Variants in WDFY3 observed in about 807,000 individuals in gnomAD.
WDFY3 encodes the protein WD repeat and FYVE domain-containing protein 3.
Under a neutral mutation model 409.6 loss-of-function variants are expected in WDFY3, and 66 were observed. The observed-to-expected ratio is 0.16, with a 90% CI of 0.13 to 0.20. The LOEUF (loss-of-function observed/expected upper bound fraction) is 0.20, where lower values mean the gene tolerates loss of function less well. Among genes scored for constraint, WDFY3 ranks in the 10% least tolerant of loss-of-function variants. The probability of loss-of-function intolerance (pLI) is 1.00; values close to 1 mark genes in which losing one functional copy is unlikely to be tolerated. For synonymous variants in WDFY3, 1,521 were observed against 1,537.1 expected (o/e 0.99, Z 0.25); for missense variants, 3,031 against 4,298.1 (o/e 0.71, Z 8.24).
At chr4:84,745,699 A>G (rs1739313450) in intron 36 of WDFY3, among the ~76,000 whole-genome samples, 1 of 152,176 alleles carries the variant, frequency 6.6e-6, no homozygotes. Flanking sequence ...CATTAAACTA[A>G]TTTGGGAAAA....
intron 13 of WDFY3, among the ~76,000 whole-genome samples, chr4:84,813,099 T>C (rs1051034027): frequency 6.6e-6 from 1 of 152,162 alleles, no homozygotes; most frequent in African/African-American, 2.4e-5. Context: ...AGTTCTGTGG[T>C]ATATGTCAGT....
chr4:84,697,335 T>A (rs962203566), intron 56 of WDFY3, among the ~76,000 whole-genome samples: 15 of 152,238 alleles, frequency 9.9e-5, no homozygotes, highest in Non-Finnish European at 1.2e-4. Context: ...AAAAGAGCTC[T>A]GTAGAACTGG....
chr4:84,691,760 G>T lies in WDFY3; in HGVS notation c.9075C>A (p.Ile3025=). Residue 3025 remains isoleucine, a synonymous_variant, in exon 60 of 68, where the codon ATC becomes ATA. Transcript: ENST00000295888. ...CAAGAATACCTTTATCTGTACATAC[G>T]ATTTGTCCTACAGGTTCTTTGAGTT... ...VKELKEPVGQ[I]VCTDKGILAV... The T allele has an allele frequency of 6.2e-7, 1 of 1,613,446 alleles. No homozygotes were observed. The highest frequency in any genetic ancestry group is 8.5e-7 in the Non-Finnish European group (1 of 1,179,574).
chr4:84,937,020 A>G (rs752909405), intron 1 of WDFY3, among the ~76,000 whole-genome samples: 4 of 152,044 alleles, frequency 2.6e-5, no homozygotes, highest in South Asian at 2.1e-4. Flanking sequence ...CAAACAACAA[A>G]ACCTCTCGAC....
intron 1 of WDFY3, among the ~76,000 whole-genome samples, chr4:84,949,644 A>G (rs1341135982): frequency 1.3e-5 from 2 of 152,180 alleles, no homozygotes; most frequent in African/African-American, 4.8e-5. Context: ...GTGCCAAAAA[A>G]TGGGACTCCT....
chr4:84,932,692 C>T (rs928670419), intron 1 of WDFY3, among the ~76,000 whole-genome samples: 1 of 152,182 alleles, frequency 6.6e-6, no homozygotes. Context: ...ACCCTTACCA[C>T]TTCCAGTCCA....
intron 26 of WDFY3, among the ~76,000 whole-genome samples, chr4:84,778,909 T>C (rs1560737146): frequency 6.6e-6 from 1 of 152,214 alleles, no homozygotes; most frequent in Non-Finnish European, 1.5e-5. Context: ...CTTTTACATT[T>C]ACCCTTTCAA....
Position 84,808,389 on chromosome 4 carries a change from T to G in WDFY3, c.2374A>C (p.Thr792Pro). 6.2e-7 allele frequency: 1 copy of G among 1,613,996 alleles called. No homozygotes were observed. The highest frequency in any genetic ancestry group is 8.5e-7 in the Non-Finnish European group (1 of 1,179,880). ...GGAGAGGGGAGAGAAGACTCACTTG[T>G]CAGGCAAGGAGGGATCTGTTCTGCA... ...SRAEQIPPCL[T>P]SESSLPSPWG... is the part of the protein sequence containing the mutation. The change falls in exon 15 of 68, where the codon ACA becomes CCA. Residue 792 changes from threonine to proline, a missense_variant. Thr to Pro is a conservative substitution (Grantham distance 38). Around this residue, in one of 16 missense-constraint regions of WDFY3, gnomAD observed 1,322 missense variants for 1,697.9 expected, o/e 0.78. Transcript: ENST00000295888.
At chr4:84,964,673 C>T (rs1183862918) in intron 1 of WDFY3, among the ~76,000 whole-genome samples, 2 of 151,966 alleles carry the variant, frequency 1.3e-5, no homozygotes, top group Non-Finnish European at 2.9e-5. Flanking sequence ...GGAGGTGATA[C>T]AAATTTTTTG....
chr4:84,712,641 G>A (rs1413042819), intron 51 of WDFY3, among the ~76,000 whole-genome samples: 2 of 151,588 alleles, frequency 1.3e-5, no homozygotes, highest in Admixed American at 1.3e-4. Flanking sequence ...GAATCGCCAT[G>A]AACCCAGGAG....
At chr4:84,779,984 T>A in intron 26 of WDFY3, 124 bp downstream of exon 26, 1 of 1,086,182 alleles carries the variant, frequency 9.2e-7, no homozygotes, top group South Asian at 2.4e-5. Context: ...ATAAAACTAC[T>A]GTCTCTTTAA....
At chr4:84,770,520 C>T (rs1424354888) in intron 30 of WDFY3, among the ~76,000 whole-genome samples, 1 of 152,136 alleles carries the variant, frequency 6.6e-6, no homozygotes, top group African/African-American at 2.4e-5. Flanking sequence ...TACTTTCCTT[C>T]TTTCTAGAAC....
chr4:84,847,790 C>CAAAAAAAAAAAAAAAAAAAAAAA (rs78361102), intron 5 of WDFY3, among the ~76,000 whole-genome samples: 2 of 82,842 alleles, frequency 2.4e-5, no homozygotes, highest in African/African-American at 4.4e-5. Flanking sequence ...AAAAAAAAAC[C>CAAAAAAAAAAAAAAAAAAAAAAA]AAAAAAAAAA....
intron 3 of WDFY3, among the ~76,000 whole-genome samples, chr4:84,875,538 A>T (rs1560979910): frequency 6.6e-6 from 1 of 152,200 alleles, no homozygotes; most frequent in Non-Finnish European, 1.5e-5. Context: ...TAATAAATTA[A>T]CTTCAGCTTA....
intron 15 of WDFY3, among the ~76,000 whole-genome samples, chr4:84,803,706 T>C (rs1156313694): frequency 6.6e-6 from 1 of 152,140 alleles, no homozygotes; most frequent in East Asian, 1.9e-4. Flanking sequence ...TGATTTTTAC[T>C]TTTACTGATT....
intron 13 of WDFY3, among the ~76,000 whole-genome samples, chr4:84,812,896 G>A (rs1484662): frequency 0.13 from 19,600 of 152,002 alleles, 1,762 homozygotes; most frequent in African/African-American, 0.25. Context: ...ATCAATAAAT[G>A]ATGACAAGTA....
chr4:84,858,975 G>A (rs575044191), intron 4 of WDFY3, among the ~76,000 whole-genome samples: 1 of 151,774 alleles, frequency 6.6e-6, no homozygotes, highest in Non-Finnish European at 1.5e-5. Context: ...GGCATAGAGA[G>A]AGACAGACAG....
intron 2 of WDFY3, among the ~76,000 whole-genome samples, chr4:84,911,917 A>C (rs181267432): frequency 2.1e-3 from 313 of 152,332 alleles, no homozygotes; most frequent in Middle Eastern, 6.8e-3. Flanking sequence ...ACTGCATAAA[A>C]TTAACTGTAG....
intron 67 of WDFY3, among the ~76,000 whole-genome samples, 175 bp from the exon 68 acceptor site, chr4:84,673,166 T>C (rs191708116): frequency 2.0e-5 from 3 of 152,284 alleles, no homozygotes; most frequent in Admixed American, 1.3e-4. Context: ...TTTCAGTCTA[T>C]GAAGAAAAGC....
Sources: allele counts gnomAD v4.1 joint callset (sites outside exome capture counted in the v4.1 genomes callset), GRCh38; gene constraint gnomAD v4.1.1; regional missense constraint gnomAD v4.1.1; transcripts MANE v1.5; gene names NCBI Gene and HGNC (gene_info 2026-07-23, HGNC 2026-07-21).